The following OSMR variants were observed in gnomAD, a reference collection of about 807,000 sequenced individuals.
OSMR encodes the protein oncostatin M receptor, also known as oncostatin-M-specific receptor subunit beta.
In OSMR, 81 loss-of-function variants were observed where a neutral mutation model predicts 99.9. That is an observed-to-expected ratio of 0.81 (90% CI 0.68 to 0.97). The LOEUF (loss-of-function observed/expected upper bound fraction) is 0.97, where lower values mean the gene tolerates loss of function less well. OSMR is among the 50% of genes least tolerant of loss of function. The pLI is 0.00. For missense variants in OSMR, 1,099 were observed against 1,153.4 expected (o/e 0.95, Z 0.68); for synonymous variants, 406 against 410.4 (o/e 0.99, Z 0.13).
chr5:38,924,526 G>A lies in OSMR; in HGVS notation c.1975G>A (p.Gly659Arg), dbSNP rs1232779838. 2 of 1,614,120 alleles carry A rather than the reference G, an allele frequency of 1.2e-6. No homozygotes were observed. Among genetic ancestry groups the A allele is most frequent in the Non-Finnish European group, 1.7e-6 (2 of 1,179,980 alleles). ...STESQPGFIQGYHVYLKSKAR... is the reference protein window; with the variant it reads ...STESQPGFIQRYHVYLKSKAR... ...TGAATCTCAACCTGGTTTTATACAA[G>A]GGTACCATGTCTATCTGAAATCCAA... The change falls in exon 14 of 18, where the codon GGG becomes AGG. Residue 659 changes from glycine to arginine, a missense_variant. By Grantham distance (125) the Gly-to-Arg change is moderately radical. Coordinates refer to ENST00000274276, the MANE Select transcript of OSMR (RefSeq NM_003999.3).
intron 9 of OSMR, among the ~76,000 whole-genome samples, chr5:38,914,411 C>T (rs1745781783): frequency 6.6e-6 from 1 of 152,242 alleles, no homozygotes; most frequent in Admixed American, 6.5e-5. Flanking sequence ...CACTTATACA[C>T]TGTTGGAGGG....
chr5:38,944,210 A>G (rs1182690256), exon 2 of OSMR: 1 of 594,310 alleles, frequency 1.7e-6, no homozygotes, highest in African/African-American at 1.8e-5. Context: ...GATCTCTTCA[A>G]AAGTCTGGCT....
At chr5:38,884,694 A>G (rs1464610107) in intron 5 of OSMR, among the ~76,000 whole-genome samples, 1 of 152,254 alleles carries the variant, frequency 6.6e-6, no homozygotes, top group Non-Finnish European at 1.5e-5. Flanking sequence ...TTAACTGTGC[A>G]GTAAATTGGT....
intron 13 of OSMR, 76 bp downstream of exon 13, chr5:38,923,330 A>G: frequency 2.1e-6 from 2 of 972,716 alleles, no homozygotes; most frequent in Non-Finnish European, 3.3e-6. Flanking sequence ...CTTTGGGTTT[A>G]GGAAGCTGTC....
chr5:38,874,517 G>A (rs1348254631), intron 2 of OSMR, among the ~76,000 whole-genome samples: 6 of 152,116 alleles, frequency 3.9e-5, no homozygotes, highest in Non-Finnish European at 8.8e-5. Context: ...TTTCTACTAT[G>A]TGGACCAATC....
At chr5:38,882,078 G>A (rs1743332943) in intron 4 of OSMR, among the ~76,000 whole-genome samples, 1 of 152,228 alleles carries the variant, frequency 6.6e-6, no homozygotes. Context: ...TTGTACATAT[G>A]TATTTATTTG....
intron 1 of OSMR, among the ~76,000 whole-genome samples, chr5:38,863,522 C>T (rs1165278287): frequency 6.6e-6 from 1 of 151,970 alleles, no homozygotes; most frequent in Non-Finnish European, 1.5e-5. Context: ...GGTGACAGAG[C>T]AAGACTTTGT....
At chr5:38,888,054 A>G (rs1743908790) in intron 7 of OSMR, among the ~76,000 whole-genome samples, 1 of 152,168 alleles carries the variant, frequency 6.6e-6, no homozygotes, top group Non-Finnish European at 1.5e-5. Flanking sequence ...GGAAGGAAAC[A>G]GCTCCTCCAT....
intron 1 of OSMR, among the ~76,000 whole-genome samples, chr5:38,860,742 G>A (rs756215774): frequency 2.0e-5 from 3 of 152,118 alleles, no homozygotes; most frequent in Non-Finnish European, 2.9e-5. Flanking sequence ...GCACAATCTT[G>A]GCTCACTGCA....
chr5:38,935,335 A>G lies in OSMR; in HGVS notation c.*1891A>G, dbSNP rs1746965614. On this transcript the variant is annotated 3_prime_UTR_variant, in exon 18 of 18. Transcript: ENST00000274276. ...CAACAACTGGCCTAAATAAACCTAC[A>G]CAAACCAGTACTTGCCTTTTGCTGG... 6.6e-6 allele frequency: 1 copy of G among 152,218 alleles called. No homozygotes were observed. The highest frequency in any genetic ancestry group is 2.4e-5 in the African/African-American group (1 of 41,458). The allele number at this position is 152,218 out of a possible 1,614,324, so 9.4% of individuals were successfully genotyped here. A position where few individuals can be genotyped will look rare whatever the true frequency, so the allele number is the denominator to read the frequency against.
intron 2 of OSMR, among the ~76,000 whole-genome samples, chr5:38,873,061 C>G (rs965669228): frequency 6.6e-6 from 1 of 152,200 alleles, no homozygotes; most frequent in African/African-American, 2.4e-5. Context: ...TTCATTACCC[C>G]AGAAAGGAAA....
At chr5:38,883,190 C>G (rs1354216700) in intron 4 of OSMR, among the ~76,000 whole-genome samples, 1 of 152,198 alleles carries the variant, frequency 6.6e-6, no homozygotes, top group Non-Finnish European at 1.5e-5. Flanking sequence ...TGGCACATGC[C>G]TGTAGTCCCA....
intron 1 of OSMR, among the ~76,000 whole-genome samples, chr5:38,864,561 TAC>T (rs1741784467): frequency 1.3e-5 from 2 of 149,850 alleles, no homozygotes; most frequent in Non-Finnish European, 1.5e-5. Context: ...TTTCTTTTAG[TAC>T]TTAGAATATA....
intron 5 of OSMR, 55 bp from the exon 6 acceptor site, chr5:38,885,294 G>C (rs1052821599): frequency 1.4e-5 from 23 of 1,610,568 alleles, no homozygotes; most frequent in Non-Finnish European, 1.8e-5. Flanking sequence ...CTTTCCATTT[G>C]GCTTATCTTC....
intron 7 of OSMR, among the ~76,000 whole-genome samples, chr5:38,901,617 A>G (rs1295108293): frequency 1.3e-5 from 2 of 152,192 alleles, no homozygotes; most frequent in African/African-American, 2.4e-5. Flanking sequence ...GGCTGCTTCA[A>G]GCAACTTATA....
chr5:38,857,431 C>T (rs1478332735), intron 1 of OSMR, among the ~76,000 whole-genome samples: 2 of 147,300 alleles, frequency 1.4e-5, no homozygotes, highest in African/African-American at 2.5e-5. Context: ...TGACTAGAAA[C>T]TATTTCCTCT....
At chr5:38,870,800 G>C (rs1266283156) in intron 2 of OSMR, among the ~76,000 whole-genome samples, 1 of 152,180 alleles carries the variant, frequency 6.6e-6, no homozygotes, top group Non-Finnish European at 1.5e-5. Flanking sequence ...GGTTAGTTGA[G>C]TTGACATCTT....
intron 12 of OSMR, among the ~76,000 whole-genome samples, chr5:38,922,204 C>A (rs988310970): frequency 8.5e-5 from 13 of 152,088 alleles, no homozygotes; most frequent in Admixed American, 3.9e-4. Flanking sequence ...AGAACTTGTT[C>A]TCTTACCTCC....
intron 9 of OSMR, among the ~76,000 whole-genome samples, chr5:38,916,312 C>T (rs535068099): frequency 3.3e-5 from 5 of 152,258 alleles, no homozygotes; most frequent in African/African-American, 1.2e-4. Flanking sequence ...GCTGAGCCTT[C>T]AATTGACCAT....
Sources: allele counts gnomAD v4.1 joint callset (sites outside exome capture counted in the v4.1 genomes callset), GRCh38; gene constraint gnomAD v4.1.1; transcripts MANE v1.5; gene names NCBI Gene and HGNC (gene_info 2026-07-23, HGNC 2026-07-21).